The following NTM variants were observed in gnomAD, a reference collection of about 807,000 sequenced individuals.
NTM encodes the protein neurotrimin, also known as IgLON family member 2.
A neutral mutation model predicts 42.1 loss-of-function variants in NTM; 13 were observed. The observed-to-expected ratio is 0.31, with a 90% CI of 0.20 to 0.49. NTM has a LOEUF of 0.49. NTM is among the 20% of genes least tolerant of loss of function. The pLI is 0.99. For missense variants in NTM, 373 were observed against 452.8 expected, an observed-to-expected ratio of 0.82 and a Z score of 1.60; for synonymous variants, 187 against 179.2, an observed-to-expected ratio of 1.04 and a Z score of -0.35.
chr11:132,102,259 T>A (rs1376103087), intron 2 of NTM, among the ~76,000 whole-genome samples: 2 of 152,228 alleles, frequency 1.3e-5, no homozygotes, highest in African/African-American at 4.8e-5. Context: ...TTTTTATGCA[T>A]CTCTATCCTA....
At chr11:131,642,427 T>G (rs1168468075) in intron 1 of NTM, among the ~76,000 whole-genome samples, 1 of 152,126 alleles carries the variant, frequency 6.6e-6, no homozygotes, top group Non-Finnish European at 1.5e-5. Context: ...AATATAAAAC[T>G]CCAATAAACT....
At chr11:132,315,578 GAAGT>G (rs2095407360) in intron 7 of NTM, among the ~76,000 whole-genome samples, 1 of 152,312 alleles carries the variant, frequency 6.6e-6, no homozygotes, top group African/African-American at 2.4e-5. Flanking sequence ...ATGTGATGGG[GAAGT>G]AAGGGGAGGC....
chr11:131,692,980 T>C (rs1347272851), intron 1 of NTM, among the ~76,000 whole-genome samples: 2 of 152,184 alleles, frequency 1.3e-5, no homozygotes, highest in African/African-American at 4.8e-5. Flanking sequence ...TTGTGGTTAA[T>C]TAATCTATGT....
At chr11:131,698,274 G>A (rs1018066445) in intron 1 of NTM, among the ~76,000 whole-genome samples, 2 of 152,100 alleles carry the variant, frequency 1.3e-5, no homozygotes, top group Admixed American at 6.5e-5. Flanking sequence ...AACAGAAGGT[G>A]TACCCCCCAC....
At chr11:132,219,637 C>T (rs888893063) in intron 4 of NTM, among the ~76,000 whole-genome samples, 1 of 151,996 alleles carries the variant, frequency 6.6e-6, no homozygotes, top group Non-Finnish European at 1.5e-5. Context: ...CCTCCCCCCC[C>T]ACTGTCTTCC....
At chr11:131,741,694 G>A (rs1443699413) in intron 1 of NTM, among the ~76,000 whole-genome samples, 2 of 152,074 alleles carry the variant, frequency 1.3e-5, no homozygotes, top group African/African-American at 2.4e-5. Flanking sequence ...ATAAATAAAG[G>A]ATGGCCTATA....
chr11:131,650,114 C>T (rs897282058), intron 1 of NTM, among the ~76,000 whole-genome samples: 2 of 152,156 alleles, frequency 1.3e-5, no homozygotes, highest in African/African-American at 4.8e-5. Flanking sequence ...CTGTCTAACA[C>T]CACACAGACT....
intron 1 of NTM, among the ~76,000 whole-genome samples, chr11:131,755,802 A>G (rs1411750641): frequency 6.6e-6 from 1 of 152,250 alleles, no homozygotes; most frequent in Non-Finnish European, 1.5e-5. Flanking sequence ...TCTAACTCCA[A>G]CTTTGTCTCC....
intron 1 of NTM, among the ~76,000 whole-genome samples, chr11:131,705,892 C>A (rs1056295897): frequency 6.6e-6 from 1 of 151,878 alleles, no homozygotes; most frequent in South Asian, 2.1e-4. Context: ...ACAAAAAAAT[C>A]AAATCACAGA....
At chr11:131,784,685 C>G (rs1488195310) in intron 1 of NTM, among the ~76,000 whole-genome samples, 1 of 152,158 alleles carries the variant, frequency 6.6e-6, no homozygotes, top group Non-Finnish European at 1.5e-5. Context: ...GTGACACACA[C>G]AGACACATAT....
chr11:131,699,665 A>AGGAAGGG (rs2075855270), intron 1 of NTM, among the ~76,000 whole-genome samples: 1 of 152,172 alleles, frequency 6.6e-6, no homozygotes, highest in Non-Finnish European at 1.5e-5. Context: ...ACAATCATGG[A>AGGAAGGG]GGAAGGGGAA....
At chr11:131,759,441 T>C (rs1361347062) in intron 1 of NTM, among the ~76,000 whole-genome samples, 1 of 152,208 alleles carries the variant, frequency 6.6e-6, no homozygotes, top group Admixed American at 6.5e-5. Flanking sequence ...CAAACATGCA[T>C]TGGGACATGG....
chr11:132,008,187 A>G (rs915355337), intron 2 of NTM, among the ~76,000 whole-genome samples: 1 of 152,158 alleles, frequency 6.6e-6, no homozygotes, highest in Admixed American at 6.5e-5. Flanking sequence ...ACTGTTGTCT[A>G]AGACAGATGA....
At chr11:132,286,516 G>A (rs1041244689) in intron 4 of NTM, among the ~76,000 whole-genome samples, 2 of 151,290 alleles carry the variant, frequency 1.3e-5, no homozygotes, top group Admixed American at 6.6e-5. Flanking sequence ...TTGCCTGTCC[G>A]CCCCCCCCAC....
chr11:131,965,956 A>T (rs1400965386), intron 2 of NTM, among the ~76,000 whole-genome samples: 1 of 31,072 alleles, frequency 3.2e-5, no homozygotes, highest in Non-Finnish European at 6.1e-5. Context: ...GAAAGGAGGG[A>T]GGGAGGGAGG....
At chr11:131,771,645 G>A (rs1259255794) in intron 1 of NTM, 2 of 152,200 alleles carry the variant, frequency 1.3e-5, no homozygotes, top group Non-Finnish European at 2.9e-5. Context: ...CACCAGCTGT[G>A]TACACACTGG....
chr11:131,817,202 G>A (rs1184486179), intron 1 of NTM, among the ~76,000 whole-genome samples: 1 of 152,174 alleles, frequency 6.6e-6, no homozygotes, highest in Non-Finnish European at 1.5e-5. Context: ...GCTGTTCTGA[G>A]TACCTGTATC....
intron 1 of NTM, among the ~76,000 whole-genome samples, chr11:131,815,057 C>T (rs548282106): frequency 6.6e-6 from 1 of 152,284 alleles, no homozygotes; most frequent in South Asian, 2.1e-4. Flanking sequence ...AAAATGCAAG[C>T]ATGATCACCT....
At chr11:131,875,115 A>G (rs935251411) in intron 1 of NTM, among the ~76,000 whole-genome samples, 2 of 152,150 alleles carry the variant, frequency 1.3e-5, no homozygotes. Context: ...CTTAAACCCC[A>G]TGAGCCTTAT....
Sources: allele counts gnomAD v4.1 joint callset (sites outside exome capture counted in the v4.1 genomes callset), GRCh38; gene constraint gnomAD v4.1.1; transcripts MANE v1.5; gene names NCBI Gene and HGNC (gene_info 2026-07-23, HGNC 2026-07-21).